Variants in WIPF3 observed in about 807,000 individuals in gnomAD.
The protein encoded by WIPF3 is WAS/WASL interacting protein family member 3.
A neutral mutation model predicts 38.9 loss-of-function variants in WIPF3; 33 were observed. The observed-to-expected ratio is 0.85, with a 90% CI of 0.64 to 1.14. WIPF3 has a LOEUF of 1.14. Ranked by LOEUF, WIPF3 falls within the 50% of genes most tolerant of loss-of-function variation. The probability of loss-of-function intolerance (pLI) is 0.00; values close to 1 mark genes in which losing one functional copy is unlikely to be tolerated. For missense variants in WIPF3, 711 were observed against 652.5 expected, an observed-to-expected ratio of 1.09 and a Z score of -0.98; for synonymous variants, 324 against 269.3, an observed-to-expected ratio of 1.20 and a Z score of -1.99.
In WIPF3 at chr7:29,884,352, G is replaced by A; in HGVS notation, c.858G>A (p.Ala286=). Residue 286 remains alanine, a synonymous_variant, in exon 5 of 9, where the codon GCG becomes GCA. Transcript: ENST00000242140. ...KAEPASPAQD[A]QEPPAPPPPL... is the part of the protein sequence containing the mutation. ...AGCCCGCCAGCCCTGCGCAAGATGCGCAGGAGCCTCCCGCCCCGCCGCCCC... is the reference window on the plus strand; with the variant it reads ...AGCCCGCCAGCCCTGCGCAAGATGCACAGGAGCCTCCCGCCCCGCCGCCCC... The A allele has an allele frequency of 6.6e-7, 1 of 1,507,580 alleles. No homozygotes were observed. Among genetic ancestry groups the A allele is most frequent in the Non-Finnish European group, 8.9e-7 (1 of 1,127,374 alleles). 93.4% of individuals were successfully genotyped at this position (1,507,580 alleles called of 1,614,324 possible).
intron 1 of WIPF3, among the ~76,000 whole-genome samples, chr7:29,830,067 A>G (rs2128064567): frequency 6.6e-6 from 1 of 151,476 alleles, no homozygotes; most frequent in East Asian, 1.9e-4. Context: ...TTTAACAAAT[A>G]CTTCTTTAGA....
intron 8 of WIPF3, 115 bp from the exon 9 acceptor site, chr7:29,914,378 C>A: frequency 1.2e-6 from 1 of 819,546 alleles, no homozygotes; most frequent in Non-Finnish European, 1.8e-6. Context: ...ACTTGACAGC[C>A]TTGCATGAAT....
intron 4 of WIPF3, 55 bp from the exon 5 acceptor site, chr7:29,883,795 G>C (rs1175013179): frequency 2.0e-6 from 3 of 1,503,870 alleles, no homozygotes; most frequent in Non-Finnish European, 2.7e-6. Flanking sequence ...GCCTACCTGC[G>C]GGGGCTTTCT....
chr7:29,905,974 A>G (rs1462460258), intron 8 of WIPF3: 1 of 152,198 alleles, frequency 6.6e-6, no homozygotes, highest in East Asian at 1.9e-4. Flanking sequence ...TTAAGATTAC[A>G]CCTCAGACTG....
At chr7:29,821,244 T>C (rs1583590504) in intron 1 of WIPF3, among the ~76,000 whole-genome samples, 1 of 152,202 alleles carries the variant, frequency 6.6e-6, no homozygotes, top group Admixed American at 6.5e-5. Flanking sequence ...TCTCCAAAAC[T>C]ATATGATTTT....
rs549929507 is a variant in WIPF3, at chr7:29,849,559, G to C, written c.90+14745G>C. Reference sequence around the variant, plus strand: ...AGATATGGAAGAATTTTCACCTTCAGTGTTCTCTAGTCTGACTAAATGCCT... The same window carrying C: ...AGATATGGAAGAATTTTCACCTTCACTGTTCTCTAGTCTGACTAAATGCCT... On this transcript the variant is annotated intron_variant, in intron 2 of 8. Transcript: ENST00000242140. 6.6e-5 allele frequency among the ~76,000 whole-genome samples: 10 copies of C among 152,302 alleles called. No individual in the cohort carries two copies. The South Asian group carries it at 1.7e-3, about 25-fold the overall frequency.
intron 8 of WIPF3, among the ~76,000 whole-genome samples, chr7:29,907,201 T>C (rs978591712): frequency 6.6e-6 from 1 of 152,242 alleles, no homozygotes; most frequent in Non-Finnish European, 1.5e-5. Context: ...CATTTTTAAA[T>C]TTTTTAGTTT....
At chr7:29,910,835 C>T (rs1178411977) in intron 8 of WIPF3, among the ~76,000 whole-genome samples, 1 of 152,068 alleles carries the variant, frequency 6.6e-6, no homozygotes, top group Non-Finnish European at 1.5e-5. Context: ...AGACTGAAAG[C>T]TTTTGCTTTA....
At chr7:29,846,314 C>A (rs888269740) in intron 2 of WIPF3, among the ~76,000 whole-genome samples, 3 of 152,158 alleles carry the variant, frequency 2.0e-5, no homozygotes, top group Non-Finnish European at 4.4e-5. Context: ...CAATAGATTT[C>A]CATTTTAATA....
At chr7:29,874,564 A>G (rs977721899) in intron 2 of WIPF3, among the ~76,000 whole-genome samples, 1 of 152,188 alleles carries the variant, frequency 6.6e-6, no homozygotes, top group African/African-American at 2.4e-5. Flanking sequence ...ATCCCCGTAC[A>G]GTAGGGCTAA....
At chr7:29,850,593 G>A (rs962078091) in intron 2 of WIPF3, among the ~76,000 whole-genome samples, 1 of 152,202 alleles carries the variant, frequency 6.6e-6, no homozygotes, top group Non-Finnish European at 1.5e-5. Context: ...ATGGGTACCC[G>A]GGGACTTCTT....
chr7:29,883,892 C>T lies in WIPF3; in HGVS notation c.398C>T (p.Pro133Leu). 6.3e-7 allele frequency: 1 copy of T among 1,581,540 alleles called. No homozygotes were observed. The highest frequency in any genetic ancestry group is 1.7e-5 in the Admixed American group (1 of 58,014). The stretch of plus-strand genomic sequence containing the variant: ...GGCCCTGGCTCCCGCGCGCCCTCTC[C>T]CAGGCTTCCCAACAAAACCATCAGC... ...GQGPGSRAPS[P>L]RLPNKTISGP... The change falls in exon 5 of 9, where the codon CCC becomes CTC. Residue 133 changes from proline to leucine, a missense_variant. Coordinates refer to ENST00000242140, the MANE Select transcript of WIPF3 (RefSeq NM_001080529.3).
intron 1 of WIPF3, among the ~76,000 whole-genome samples, chr7:29,831,045 A>G (rs927610060): frequency 7.2e-5 from 11 of 152,216 alleles, no homozygotes; most frequent in Non-Finnish European, 1.5e-4. Flanking sequence ...CTGAGCTGAA[A>G]TAACAGGACA....
At chr7:29,843,615 T>C (rs576344049) in intron 2 of WIPF3, among the ~76,000 whole-genome samples, 41 of 152,244 alleles carry the variant, frequency 2.7e-4, no homozygotes, top group African/African-American at 9.6e-4. Context: ...TATTTTAAGA[T>C]TCCAGGGTAA....
chr7:29,898,077 C>T (rs1786191129), intron 7 of WIPF3, among the ~76,000 whole-genome samples: 1 of 152,196 alleles, frequency 6.6e-6, no homozygotes, highest in Non-Finnish European at 1.5e-5. Context: ...CCCCTCAGCA[C>T]CATGGTAAGC....
At chr7:29,868,332 T>C (rs1785428212) in intron 2 of WIPF3, among the ~76,000 whole-genome samples, 2 of 152,058 alleles carry the variant, frequency 1.3e-5, no homozygotes, top group Admixed American at 1.3e-4. Context: ...CAAGGAAAGA[T>C]ATCTTGGGAC....
rs1285075458 is a variant in WIPF3 at position 29,883,978 on chromosome 7, G to A, written c.484G>A (p.Ala162Thr). 3.9e-6 allele frequency: 6 copies of A among 1,539,716 alleles called. No individual in the cohort carries two copies. The South Asian group carries it at 7.2e-5, about 19-fold the overall frequency. Residue 162 changes from alanine (A) to threonine (T), a missense_variant, in exon 5 of 9, where the codon GCC becomes ACC. Physicochemically the swap from Ala to Thr is moderately conservative, Grantham distance 58. Coordinates refer to ENST00000242140, the MANE Select transcript of WIPF3 (RefSeq NM_001080529.3). ...CAATACCTCCGAGGCGCATGGCGCT[G>A]CCAGGACAGCCCCGCCTCGCCCCAA... is the stretch of plus-strand genomic sequence containing the variant. Reference protein sequence around the residue: ...LGNTSEAHGAARTAPPRPNVP... With the variant: ...LGNTSEAHGATRTAPPRPNVP...
intron 6 of WIPF3, 144 bp downstream of exon 6, chr7:29,888,361 C>A: frequency 9.2e-7 from 1 of 1,082,762 alleles, no homozygotes; most frequent in Non-Finnish European, 1.3e-6. Context: ...CCAGCACCAA[C>A]CAGCCCATAG....
At chr7:29,842,932 C>A (rs745427623) in intron 2 of WIPF3, among the ~76,000 whole-genome samples, 35 of 152,176 alleles carry the variant, frequency 2.3e-4, no homozygotes, top group Non-Finnish European at 4.1e-4. Flanking sequence ...TCTGGTACTT[C>A]GATTAGTGTC....
Sources: gnomAD v4.1 joint callset for allele counts (sites outside exome capture counted in the v4.1 genomes callset) on GRCh38, gnomAD v4.1.1 for gene constraint, MANE v1.5 for transcripts, NCBI Gene and HGNC (gene_info 2026-07-23, HGNC 2026-07-21) for gene names.